MAP3K13: variants seen among roughly 807,000 people sequenced by gnomAD.
MAP3K13 encodes mitogen-activated protein kinase kinase kinase 13.
MAP3K13 carries 52 observed loss-of-function variants against 104.0 expected under a neutral mutation model. The observed-to-expected ratio is 0.50, with a 90% CI of 0.40 to 0.63. The LOEUF is 0.63. Among genes scored for constraint, MAP3K13 ranks in the 20% least tolerant of loss-of-function variants. The pLI is 0.00. For synonymous variants in MAP3K13, 394 were observed against 442.2 expected, an observed-to-expected ratio of 0.89 and a Z score of 1.37; for missense variants, 914 against 1,218.5, an observed-to-expected ratio of 0.75 and a Z score of 3.72.
intron 2 of MAP3K13, among the ~76,000 whole-genome samples, chr3:185,343,822 A>T (rs1341191269): frequency 6.6e-6 from 1 of 152,178 alleles, no homozygotes; most frequent in African/African-American, 2.4e-5. Flanking sequence ...ATCCCAAAAC[A>T]TACCTTCAAA....
chr3:185,324,527 G>A (rs570281884), intron 2 of MAP3K13, among the ~76,000 whole-genome samples: 4 of 151,548 alleles, frequency 2.6e-5, no homozygotes, highest in East Asian at 1.9e-4. Context: ...TTTCAATTCC[G>A]ATTTCCCAGT....
At chr3:185,391,237 C>T (rs2108768155) in intron 1 of MAP3K13, among the ~76,000 whole-genome samples, 1 of 152,274 alleles carries the variant, frequency 6.6e-6, no homozygotes, top group South Asian at 2.1e-4. Flanking sequence ...ATTCCCCCTC[C>T]CCACACACCC....
chr3:185,443,744 T>C, intron 4 of MAP3K13, 108 bp downstream of exon 4: 1 of 907,672 alleles, frequency 1.1e-6, no homozygotes, highest in Non-Finnish European at 1.7e-6. Context: ...TAGTTCAGTT[T>C]CAATCAGCAC....
At chr3:185,404,768 G>T (rs1162244326) in intron 1 of MAP3K13, among the ~76,000 whole-genome samples, 1 of 152,052 alleles carries the variant, frequency 6.6e-6, no homozygotes, top group African/African-American at 2.4e-5. Flanking sequence ...GTACAGATGG[G>T]GTTTCACCAT....
chr3:185,448,762 C>T (rs982635260), intron 5 of MAP3K13, among the ~76,000 whole-genome samples: 16 of 152,134 alleles, frequency 1.1e-4, no homozygotes, highest in Admixed American at 9.8e-4. Context: ...TGGATTTTTG[C>T]CAATCATATA....
chr3:185,335,804 C>T (rs1722480794), intron 2 of MAP3K13, among the ~76,000 whole-genome samples: 1 of 151,996 alleles, frequency 6.6e-6, no homozygotes, highest in Admixed American at 6.6e-5. Flanking sequence ...ATTTTTTCCC[C>T]AAATATTTTC....
At chr3:185,328,806 C>T (rs768077227) in intron 2 of MAP3K13, 9 of 163,036 alleles carry the variant, frequency 5.5e-5, no homozygotes, top group South Asian at 1.8e-4. Flanking sequence ...CCTCCCACCT[C>T]GCTGTGTTGG....
At chr3:185,435,160 T>A (rs942230366) in intron 2 of MAP3K13, among the ~76,000 whole-genome samples, 1 of 144,050 alleles carries the variant, frequency 6.9e-6, no homozygotes, top group South Asian at 2.3e-4. Flanking sequence ...TGCACCACCA[T>A]GCCTGGCTAT....
chr3:185,446,395 A>G (rs1715596911), intron 4 of MAP3K13, among the ~76,000 whole-genome samples: 1 of 152,042 alleles, frequency 6.6e-6, no homozygotes, highest in African/African-American at 2.4e-5. Flanking sequence ...GGCTGGGACT[A>G]CAAGCGCCCG....
At chr3:185,307,588 A>G (rs114991041) in intron 2 of MAP3K13, among the ~76,000 whole-genome samples, 2,311 of 113,534 alleles carry the variant, frequency 0.02, 59 homozygotes, top group African/African-American at 0.076. Flanking sequence ...TGTCGCCCAG[A>G]GCTGTAGTGC....
intron 2 of MAP3K13, among the ~76,000 whole-genome samples, chr3:185,356,914 G>C (rs1323265888): frequency 6.7e-6 from 1 of 149,698 alleles, no homozygotes; most frequent in Non-Finnish European, 1.5e-5. Flanking sequence ...ATGTATTTAT[G>C]TATTGAGACG....
intron 2 of MAP3K13, among the ~76,000 whole-genome samples, chr3:185,308,638 A>G (rs1485416834): frequency 1.3e-5 from 2 of 152,188 alleles, no homozygotes; most frequent in Admixed American, 6.5e-5. Context: ...GTGGACCCCA[A>G]GCATCCAAAG....
intron 1 of MAP3K13, among the ~76,000 whole-genome samples, chr3:185,379,565 C>T (rs960888121): frequency 1.7e-4 from 26 of 152,118 alleles, no homozygotes; most frequent in African/African-American, 5.5e-4. Context: ...ACTGGTCTCC[C>T]GAAGGAGTCC....
chr3:185,308,687 G>C (rs1721391724), intron 2 of MAP3K13, among the ~76,000 whole-genome samples: 1 of 152,212 alleles, frequency 6.6e-6, no homozygotes, highest in African/African-American at 2.4e-5. Flanking sequence ...AAGCTGGACA[G>C]TAACCATTCC....
chr3:185,367,094 T>C (rs116239611), intron 1 of MAP3K13, among the ~76,000 whole-genome samples: 210 of 152,322 alleles, frequency 1.4e-3, no homozygotes, highest in African/African-American at 3.6e-3. Flanking sequence ...TTTTGAGTTA[T>C]TTTTTGTGTG....
chr3:185,405,622 G>A (rs1227978516), intron 1 of MAP3K13, among the ~76,000 whole-genome samples: 1 of 152,088 alleles, frequency 6.6e-6, no homozygotes, highest in Admixed American at 6.6e-5. Flanking sequence ...TCCTTCACTC[G>A]TTCTTCACTG....
intron 2 of MAP3K13, among the ~76,000 whole-genome samples, chr3:185,352,526 C>T (rs189872896): frequency 4.2e-4 from 64 of 152,238 alleles, no homozygotes; most frequent in African/African-American, 1.4e-3. Context: ...ATTGGATATT[C>T]GAGGACAATC....
rs1715869512 is a variant in MAP3K13 at position 185,451,353 on chromosome 3, A to T, written c.1236A>T (p.Ala412=). The T allele has an allele frequency of 1.2e-5, 19 of 1,613,850 alleles. No homozygotes were observed. Among genetic ancestry groups the T allele is most frequent in the Non-Finnish European group, 1.5e-5 (18 of 1,179,750 alleles). ...QTLMHLDIAS[A]DVLATPQETY... is the part of the protein sequence containing the mutation. ...TCATGCATTTAGACATTGCCTCTGCAGATGTACTTGCCACCCCACAAGAAA... is the reference window on the plus strand; with the variant it reads ...TCATGCATTTAGACATTGCCTCTGCTGATGTACTTGCCACCCCACAAGAAA... The change falls in exon 7 of 14, where the codon GCA becomes GCT. Residue 412 remains alanine (A), a synonymous_variant. Transcript: ENST00000265026.
At chr3:185,306,024 A>ATG (rs1472344687) in intron 2 of MAP3K13, among the ~76,000 whole-genome samples, 4 of 152,190 alleles carry the variant, frequency 2.6e-5, no homozygotes, top group African/African-American at 9.7e-5. Context: ...AAGTGAGAAC[A>ATG]TGTAGTATTT....
Sources: allele counts gnomAD v4.1 joint callset (sites outside exome capture counted in the v4.1 genomes callset), GRCh38; gene constraint gnomAD v4.1.1; transcripts MANE v1.5; gene names NCBI Gene and HGNC (gene_info 2026-07-23, HGNC 2026-07-21).